Variants in TNR observed in about 807,000 individuals in gnomAD.
TNR encodes tenascin R.
In TNR, 45 loss-of-function variants were observed where a neutral mutation model predicts 150.4. That is an observed-to-expected ratio of 0.30 (90% CI 0.24 to 0.38). The LOEUF is 0.38. Among genes scored for constraint, TNR ranks in the 10% least tolerant of loss-of-function variants. The pLI, the probability that TNR is intolerant of heterozygous loss-of-function variation, is 1.00. For missense variants in TNR, 1,544 were observed against 1,759.1 expected (o/e 0.88, Z 2.19); for synonymous variants, 687 against 678.4 (o/e 1.01, Z -0.20).
intron 2 of TNR, among the ~76,000 whole-genome samples, chr1:175,522,572 A>T (rs985355765): frequency 1.3e-5 from 2 of 151,942 alleles, no homozygotes; most frequent in African/African-American, 2.4e-5. Context: ...ATAAAAAAAA[A>T]TTGCTTTCTT....
At chr1:175,624,430 T>C (rs765421102) in intron 1 of TNR, among the ~76,000 whole-genome samples, 1 of 152,140 alleles carries the variant, frequency 6.6e-6, no homozygotes, top group African/African-American at 2.4e-5. Context: ...TAATTCATTA[T>C]GACTGGTATC....
At chr1:175,654,570 T>A (rs907031632) in intron 1 of TNR, among the ~76,000 whole-genome samples, 1 of 152,072 alleles carries the variant, frequency 6.6e-6, no homozygotes, top group Non-Finnish European at 1.5e-5. Context: ...AGCTGGACTA[T>A]TTCACTGCTC....
rs10913007 is a variant in TNR, at chr1:175,561,995, G to A, written c.-164-33626C>T. 1.2e-4 allele frequency among the ~76,000 whole-genome samples: 18 copies of A among 152,192 alleles called. No homozygotes were observed. In the East Asian group the frequency reaches 2.7e-3, roughly 23 times the overall value. ...CCCTTTCTGAAGCAAACTTCCAGCC[G>A]TGAAATATGAGAAAAATTACATGAC... On this transcript the variant is annotated intron_variant, in intron 1 of 22. Coordinates refer to ENST00000367674, the MANE Select transcript of TNR (RefSeq NM_003285.3).
chr1:175,483,691 G>C (rs1249490566), intron 2 of TNR, among the ~76,000 whole-genome samples: 2 of 152,220 alleles, frequency 1.3e-5, no homozygotes, highest in East Asian at 3.9e-4. Flanking sequence ...TTAGAGATGA[G>C]TTATCAGGAT....
intron 1 of TNR, among the ~76,000 whole-genome samples, chr1:175,670,326 G>A (rs1006914501): frequency 6.6e-6 from 1 of 152,220 alleles, no homozygotes; most frequent in Non-Finnish European, 1.5e-5. Flanking sequence ...ACCTAGGGCA[G>A]GAAGTCTGGT....
At chr1:175,350,848 G>T (rs1002649626) in intron 18 of TNR, among the ~76,000 whole-genome samples, 9 of 152,164 alleles carry the variant, frequency 5.9e-5, no homozygotes, top group African/African-American at 2.2e-4. Context: ...CAAGGTGAGG[G>T]TTTATCCGTG....
chr1:175,463,801 TCAGA>T (rs1352404201), intron 2 of TNR, among the ~76,000 whole-genome samples: 1 of 152,196 alleles, frequency 6.6e-6, no homozygotes, highest in Admixed American at 6.5e-5. Context: ...TAAACTACTG[TCAGA>T]CAGTTCAACC....
chr1:175,722,943 C>T (rs1420488164), intron 1 of TNR, among the ~76,000 whole-genome samples: 1 of 152,076 alleles, frequency 6.6e-6, no homozygotes, highest in East Asian at 1.9e-4. Context: ...AGGCACATAC[C>T]ACCATGATGG....
chr1:175,557,712 G>C (rs1242616845), intron 1 of TNR, among the ~76,000 whole-genome samples: 1 of 147,274 alleles, frequency 6.8e-6, no homozygotes, highest in East Asian at 2.0e-4. Flanking sequence ...AAGTCAGTGT[G>C]GCAATTCCTC....
intron 2 of TNR, among the ~76,000 whole-genome samples, chr1:175,445,144 C>A (rs1330526271): frequency 1.3e-5 from 2 of 152,110 alleles, no homozygotes; most frequent in Admixed American, 1.3e-4. Context: ...GTGGCAGGCA[C>A]CTGTAGTCCC....
In TNR at chr1:175,616,646, G is replaced by A. The variant is rs796894973; in HGVS notation, c.-164-88277C>T. Among the ~76,000 whole-genome samples, 17 of 152,300 alleles carry A rather than the reference G, an allele frequency of 1.1e-4. 1 individual carries two copies. Among genetic ancestry groups the A allele is most frequent in the African/African-American group, 3.4e-4 (14 of 41,572 alleles). Reference sequence around the variant, plus strand: ...AGGGCTGTGCTCCTTGGTGGTCCCCGCTGGCCATGCTCCCACTGTCTGGGC... The same window carrying A: ...AGGGCTGTGCTCCTTGGTGGTCCCCACTGGCCATGCTCCCACTGTCTGGGC... On this transcript the variant is annotated intron_variant, in intron 1 of 22. Transcript: ENST00000367674.
At chr1:175,436,847 T>C (rs746720992) in intron 2 of TNR, among the ~76,000 whole-genome samples, 15 of 152,198 alleles carry the variant, frequency 9.9e-5, no homozygotes, top group Non-Finnish European at 1.9e-4. Context: ...TAAATATATA[T>C]GCACCCAATA....
chr1:175,677,389 A>C (rs1301493325), intron 1 of TNR, among the ~76,000 whole-genome samples: 3 of 152,096 alleles, frequency 2.0e-5, no homozygotes, highest in African/African-American at 7.2e-5. Flanking sequence ...TGGTTGGTGG[A>C]GGCAAAGTGA....
At chr1:175,352,820 C>A (rs539606651) in intron 18 of TNR, among the ~76,000 whole-genome samples, 1 of 152,164 alleles carries the variant, frequency 6.6e-6, no homozygotes, top group Non-Finnish European at 1.5e-5. Flanking sequence ...TCACAATCTC[C>A]GCACTCTATA....
chr1:175,675,697 A>T (rs1222623440), intron 1 of TNR, among the ~76,000 whole-genome samples: 1 of 152,122 alleles, frequency 6.6e-6, no homozygotes, highest in Non-Finnish European at 1.5e-5. Flanking sequence ...TCTCTTCCTT[A>T]GCCTTGCTGC....
At chr1:175,365,320 G>C in intron 11 of TNR, 41 bp from the exon 12 acceptor site, 1 of 1,552,558 alleles carries the variant, frequency 6.4e-7, no homozygotes, top group Non-Finnish European at 8.7e-7. Context: ...AACACGTGAG[G>C]AGATGGGTCA....
At chr1:175,738,726 A>T (rs1667841989) in intron 1 of TNR, among the ~76,000 whole-genome samples, 1 of 152,232 alleles carries the variant, frequency 6.6e-6, no homozygotes, top group East Asian at 1.9e-4. Flanking sequence ...CTGTGTTCAA[A>T]ATTTACCAAT....
chr1:175,724,661 T>A (rs1667429645), intron 1 of TNR, among the ~76,000 whole-genome samples: 1 of 152,192 alleles, frequency 6.6e-6, no homozygotes, highest in African/African-American at 2.4e-5. Context: ...AATGTTTATG[T>A]TTTATGTACA....
intron 1 of TNR, among the ~76,000 whole-genome samples, chr1:175,634,817 C>A (rs140559278): frequency 1.8e-3 from 280 of 152,304 alleles, no homozygotes; most frequent in Non-Finnish European, 3.3e-3. Context: ...ATAAACCACA[C>A]TGTCTTTTCA....
Sources: allele counts gnomAD v4.1 joint callset (sites outside exome capture counted in the v4.1 genomes callset), GRCh38; gene constraint gnomAD v4.1.1; transcripts MANE v1.5; gene names NCBI Gene and HGNC (gene_info 2026-07-23, HGNC 2026-07-21).